Variants in TRAPPC11 observed in about 807,000 individuals in gnomAD.
TRAPPC11 encodes the protein foie gras homolog.
A neutral mutation model predicts 151.2 loss-of-function variants in TRAPPC11; 104 were observed. The observed-to-expected ratio is 0.69, with a 90% CI of 0.59 to 0.81. The LOEUF is 0.81. Among genes scored for constraint, TRAPPC11 ranks in the 30% least tolerant of loss-of-function variants. The pLI, the probability that TRAPPC11 is intolerant of heterozygous loss-of-function variation, is 0.00. For missense variants in TRAPPC11, 1,230 were observed against 1,349.6 expected, an observed-to-expected ratio of 0.91 and a Z score of 1.39; for synonymous variants, 456 against 472.3, an observed-to-expected ratio of 0.97 and a Z score of 0.45.
Position 183,706,819 on chromosome 4 carries a change from T to G in TRAPPC11, c.3068T>G (p.Phe1023Cys). 1 of 1,613,276 alleles carries G rather than the reference T, an allele frequency of 6.2e-7. No homozygotes were observed. The highest frequency in any genetic ancestry group is 8.5e-7 in the Non-Finnish European group (1 of 1,179,420). Reference sequence around the variant, plus strand: ...TCTTTCTCTGTAGATCTGCCGTCATTTGGGCGTGTCAGAGAGTCGTTACCT... The same window carrying G: ...TCTTTCTCTGTAGATCTGCCGTCATGTGGGCGTGTCAGAGAGTCGTTACCT... ...PLHVNADLPSFGRVRESLPVK... is the reference protein window; with the variant it reads ...PLHVNADLPSCGRVRESLPVK... The change falls in exon 28 of 30, where the codon TTT becomes TGT. Residue 1023 changes from phenylalanine (F) to cysteine (C), a missense_variant. By Grantham distance (205) the Phe-to-Cys change is radical. Transcript: ENST00000334690.
chr4:183,691,340 G>C lies in TRAPPC11; in HGVS notation c.1918G>C (p.Glu640Gln). 6.4e-7 allele frequency: 1 copy of C among 1,553,582 alleles called. No homozygotes were observed. Among genetic ancestry groups the C allele is most frequent in the African/African-American group, 1.3e-5 (1 of 74,280 alleles). ...NQEYNQFCVIEEASKANEVLE... is the reference protein window; with the variant it reads ...NQEYNQFCVIQEASKANEVLE... ...GGAATACAACCAGTTCTGTGTAATA[G>C]AAGAAGCATCCAAAGCAAATGAAGT... Residue 640 changes from glutamate (E) to glutamine (Q), a missense_variant, in exon 19 of 30, where the codon GAA becomes CAA. Glu to Gln is a conservative substitution (Grantham distance 29, BLOSUM62 2). Transcript: ENST00000334690.
intron 23 of TRAPPC11, among the ~76,000 whole-genome samples, chr4:183,695,084 G>A (rs998232292): frequency 1.8e-4 from 28 of 151,882 alleles, no homozygotes; most frequent in African/African-American, 6.5e-4. Context: ...GAGTAGCTGG[G>A]ATTACAGGCA....
rs146459339 is a variant in TRAPPC11 at position 183,703,329 on chromosome 4, T to C, written c.2963+1521T>C. Among the ~76,000 whole-genome samples the C allele has an allele frequency of 2.4e-3, 367 of 152,370 alleles. 1 individual carries two copies. The highest frequency in any genetic ancestry group is 8.4e-3 in the African/African-American group (348 of 41,596). ...GTTGGAAACTAAAGCAGAAACTTTT[T>C]AAGAATGGAGAAATATGTAATTTTA... On this transcript the variant is annotated intron_variant, in intron 26 of 29. Transcript: ENST00000334690.
At chr4:183,699,614 A>G (rs1455415379) in intron 25 of TRAPPC11, among the ~76,000 whole-genome samples, 1 of 152,200 alleles carries the variant, frequency 6.6e-6, no homozygotes, top group Non-Finnish European at 1.5e-5. Context: ...GCTTAAAATG[A>G]CACAGATTCA....
chr4:183,670,708 C>G (rs576248218), intron 5 of TRAPPC11, among the ~76,000 whole-genome samples: 1 of 152,110 alleles, frequency 6.6e-6, no homozygotes, highest in East Asian at 1.9e-4. Flanking sequence ...CAAGTTCAAT[C>G]GATTCTCCTC....
chr4:183,672,636 T>C (rs1735209245), intron 5 of TRAPPC11, among the ~76,000 whole-genome samples: 1 of 152,208 alleles, frequency 6.6e-6, no homozygotes, highest in Admixed American at 6.5e-5. Flanking sequence ...CTGTAGCCTG[T>C]TACGGTTAAA....
In TRAPPC11 at chr4:183,660,220, T is replaced by G. The variant is rs1211208614; in HGVS notation, c.-22+773T>G. On this transcript the variant is annotated intron_variant, in intron 1 of 29. Coordinates refer to ENST00000334690, the MANE Select transcript of TRAPPC11 (RefSeq NM_021942.6). ...GTGACATAGGAGAATGTGGCAAGAC[T>G]TTCTGATACAATTTTCGTGCAGCAA... 2.0e-5 allele frequency among the ~76,000 whole-genome samples: 3 copies of G among 152,238 alleles called. No individual in the cohort carries two copies. In the East Asian group the frequency reaches 5.8e-4, roughly 29 times the overall value.
chr4:183,699,577 C>T (rs993213394), intron 25 of TRAPPC11, among the ~76,000 whole-genome samples: 1 of 152,152 alleles, frequency 6.6e-6, no homozygotes, highest in African/African-American at 2.4e-5. Flanking sequence ...CTTACTGCTG[C>T]TGTAACAAAC....
At chr4:183,667,275 C>A in intron 4 of TRAPPC11, 145 bp downstream of exon 4, 1 of 584,270 alleles carries the variant, frequency 1.7e-6, no homozygotes, top group Non-Finnish European at 3.0e-6. Context: ...ACCAATGATA[C>A]ATGAACAAAT....
intron 18 of TRAPPC11, among the ~76,000 whole-genome samples, chr4:183,687,194 A>G (rs893636997): frequency 5.9e-5 from 9 of 151,982 alleles, no homozygotes; most frequent in African/African-American, 2.2e-4. Flanking sequence ...ATATATATAT[A>G]TATATGTTTC....
rs111781155 is a variant in TRAPPC11, at chr4:183,697,882, CGT to C, written c.2851+62_2851+63del. ...TTAAAGACCAGGAGAATTGTGCGCG[CGT>C]GTGTGTGTGTGTGTATAAGCTGGCA... On this transcript the variant is annotated intron_variant, in intron 25 of 29. Coordinates refer to ENST00000334690, the MANE Select transcript of TRAPPC11 (RefSeq NM_021942.6). 9.4e-3 allele frequency: 8,967 copies of C among 953,274 alleles called. 2 individuals are homozygous for C. The highest frequency in any genetic ancestry group is 0.014 in the Middle Eastern group (44 of 3,232). 59.1% of individuals were successfully genotyped at this position (953,274 alleles called of 1,614,324 possible). A position where few individuals can be genotyped will look rare whatever the true frequency, so the allele number is the denominator to read the frequency against.
At position 183,712,667 on chromosome 4, in the gene TRAPPC11, G is replaced by A; in HGVS notation, c.*23G>A. 1 of 1,613,216 alleles carries A rather than the reference G, an allele frequency of 6.2e-7. No homozygotes were observed. The highest frequency in any genetic ancestry group is 8.5e-7 in the Non-Finnish European group (1 of 1,179,234). On this transcript the variant is annotated 3_prime_UTR_variant, in exon 30 of 30. Coordinates refer to ENST00000334690, the MANE Select transcript of TRAPPC11 (RefSeq NM_021942.6). ...TGATGTTCAAGACCGGCCCTTGGCT[G>A]TTGTTACAGAGATGTTGGGCAGAGC...
intron 26 of TRAPPC11, among the ~76,000 whole-genome samples, chr4:183,703,793 T>C (rs1378524180): frequency 2.0e-5 from 3 of 152,238 alleles, no homozygotes; most frequent in African/African-American, 4.8e-5. Flanking sequence ...ACCACCCTTA[T>C]AGTTCCCACT....
intron 10 of TRAPPC11, among the ~76,000 whole-genome samples, chr4:183,681,112 A>C (rs1360332514): frequency 2.6e-5 from 4 of 151,848 alleles, no homozygotes; most frequent in Admixed American, 6.6e-5. Flanking sequence ...TCTTATAAAC[A>C]CCTTTAAAAT....
At chr4:183,704,915 A>C in intron 26 of TRAPPC11, 64 bp from the exon 27 acceptor site, 1 of 1,071,234 alleles carries the variant, frequency 9.3e-7, no homozygotes, top group Admixed American at 1.8e-5. Context: ...TTTTTGATGA[A>C]CTTCTTTCAT....
At chr4:183,676,284 G>A (rs922401870) in intron 7 of TRAPPC11, among the ~76,000 whole-genome samples, 3 of 151,914 alleles carry the variant, frequency 2.0e-5, no homozygotes, top group Non-Finnish European at 4.4e-5. Flanking sequence ...CGAGTAGCTG[G>A]GACTACAGGT....
At chr4:183,678,720 GATGGCTGAGAGACAGGA>G (rs1735534547) in intron 8 of TRAPPC11, among the ~76,000 whole-genome samples, 1 of 152,214 alleles carries the variant, frequency 6.6e-6, no homozygotes, top group Admixed American at 6.5e-5. Flanking sequence ...AGGGAAATTA[GATGGCTGAGAGACAGGA>G]ATGGATGAGA....
In TRAPPC11 at chr4:183,674,771, G is replaced by A. The variant is rs201181808; in HGVS notation, c.619G>A (p.Val207Met). The A allele has an allele frequency of 1.4e-5, 22 of 1,594,778 alleles. No homozygotes were observed. Among genetic ancestry groups the A allele is most frequent in the East Asian group, 2.3e-5 (1 of 43,600 alleles). Reference sequence around the variant, plus strand: ...TTATTACTACACTGAGATCAGAAGAGTGAAATCTCATAAAGAATTTTTGAA... The same window carrying A: ...TTATTACTACACTGAGATCAGAAGAATGAAATCTCATAAAGAATTTTTGAA... ...QTYYYTEIRRVKSHKEFLNKT... is the reference protein window; with the variant it reads ...QTYYYTEIRRMKSHKEFLNKT... Residue 207 changes from valine to methionine, a missense_variant, in exon 6 of 30, where the codon GTG (valine) becomes ATG (methionine). Transcript: ENST00000334690.
chr4:183,683,793 C>T (rs1735820541), intron 11 of TRAPPC11, 182 bp from the exon 12 acceptor site: 1 of 603,382 alleles, frequency 1.7e-6, no homozygotes, highest in Admixed American at 2.9e-5. Context: ...CCCATCAGAA[C>T]AGAACACGGA....
Sources: allele counts gnomAD v4.1 joint callset (sites outside exome capture counted in the v4.1 genomes callset), GRCh38; gene constraint gnomAD v4.1.1; transcripts MANE v1.5; gene names NCBI Gene and HGNC (gene_info 2026-07-23, HGNC 2026-07-21).